TRAPPC8: variants seen among roughly 807,000 people sequenced by gnomAD.
TRAPPC8 encodes the protein general sporulation gene 1 homolog.
A neutral mutation model predicts 174.3 loss-of-function variants in TRAPPC8; 54 were observed. That is an observed-to-expected ratio of 0.31 (90% CI 0.25 to 0.39). The LOEUF is 0.39. TRAPPC8 is among the 10% of genes least tolerant of loss of function. The pLI is 1.00. For synonymous variants in TRAPPC8, 630 were observed against 579.9 expected, an observed-to-expected ratio of 1.09 and a Z score of -1.24; for missense variants, 1,531 against 1,699.1, an observed-to-expected ratio of 0.90 and a Z score of 1.74.
rs752533737 is a variant in TRAPPC8 at position 31,917,679 on chromosome 18, A to C, written c.353-12T>G. The C allele has an allele frequency of 6.2e-7, 1 of 1,605,054 alleles. No individual in the cohort carries two copies. Among genetic ancestry groups the C allele is most frequent in the East Asian group, 2.2e-5 (1 of 44,794 alleles). On this transcript the variant is annotated splice_polypyrimidine_tract_variant and intron_variant, in intron 2 of 28. Transcript: ENST00000283351. ...CCATGGAGTAGTGGCTAAAATTAAC[A>C]ATATACAAAACAGTTAAAAGTATTC...
intron 1 of TRAPPC8, among the ~76,000 whole-genome samples, chr18:31,934,143 G>A (rs1481307588): frequency 1.3e-5 from 2 of 151,620 alleles, no homozygotes; most frequent in Non-Finnish European, 2.9e-5. Flanking sequence ...AGCCAAGATT[G>A]CGCCACTGCA....
intron 26 of TRAPPC8, among the ~76,000 whole-genome samples, chr18:31,843,561 T>C (rs568013363): frequency 2.4e-4 from 36 of 152,350 alleles, no homozygotes; most frequent in African/African-American, 8.7e-4. Context: ...TATCTATTTG[T>C]GTGCAAACTA....
chr18:31,862,342 A>T (rs932683118), intron 19 of TRAPPC8, among the ~76,000 whole-genome samples: 40 of 126,734 alleles, frequency 3.2e-4, no homozygotes, highest in African/African-American at 1.2e-3. Flanking sequence ...TTGCCAGATT[A>T]AAAAAAAAAA....
chr18:31,867,597 T>TCGGCG, intron 16 of TRAPPC8, 121 bp from the exon 17 acceptor site: 1 of 641,088 alleles, frequency 1.6e-6, no homozygotes, highest in Non-Finnish European at 2.6e-6. Flanking sequence ...ACTTGGTTTT[T>TCGGCG]ACCACATGCT....
At chr18:31,834,512 C>T (rs2032592037) in intron 27 of TRAPPC8, among the ~76,000 whole-genome samples, 1 of 152,152 alleles carries the variant, frequency 6.6e-6, no homozygotes, top group Non-Finnish European at 1.5e-5. Flanking sequence ...GACAACTATT[C>T]TCCCACCACT....
At chr18:31,932,242 A>G (rs555935269) in intron 1 of TRAPPC8, among the ~76,000 whole-genome samples, 1 of 152,270 alleles carries the variant, frequency 6.6e-6, no homozygotes, top group East Asian at 1.9e-4. Context: ...CCTGGCCAAC[A>G]TGGCAAAACC....
At chr18:31,852,919 ACAGT>A in intron 22 of TRAPPC8, 1 of 395,780 alleles carries the variant, frequency 2.5e-6, no homozygotes, top group Non-Finnish European at 4.6e-6. Flanking sequence ...TTTCAGATAA[ACAGT>A]AAGTTTGAAA....
intron 1 of TRAPPC8, among the ~76,000 whole-genome samples, chr18:31,941,982 A>G (rs1163010887): frequency 6.6e-6 from 1 of 152,226 alleles, no homozygotes; most frequent in Non-Finnish European, 1.5e-5. Flanking sequence ...ATTAACCACA[A>G]CTTGGGCTTG....
intron 12 of TRAPPC8, among the ~76,000 whole-genome samples, chr18:31,890,321 T>C (rs964583170): frequency 2.6e-5 from 4 of 152,150 alleles, no homozygotes; most frequent in African/African-American, 2.4e-5. Flanking sequence ...ATTTAGTCAA[T>C]AGCATTATAA....
chr18:31,854,836 G>C (rs1305723215), intron 21 of TRAPPC8, among the ~76,000 whole-genome samples: 2 of 151,544 alleles, frequency 1.3e-5, no homozygotes, highest in African/African-American at 4.9e-5. Context: ...GGGCGTGGTG[G>C]GTGCCTGTGG....
At position 31,849,633 on chromosome 18, in the gene TRAPPC8, G is replaced by A; in HGVS notation, c.3668C>T (p.Thr1223Ile). The A allele has an allele frequency of 6.2e-7, 1 of 1,613,084 alleles. No homozygotes were observed. The highest frequency in any genetic ancestry group is 8.5e-7 in the Non-Finnish European group (1 of 1,179,638). Residue 1223 changes from threonine to isoleucine, a missense_variant, in exon 25 of 29, where the codon ACA (threonine) becomes ATA (isoleucine). Thr to Ile is a moderately conservative substitution (Grantham distance 89, BLOSUM62 -1). Coordinates refer to ENST00000283351, the MANE Select transcript of TRAPPC8 (RefSeq NM_014939.5). ...HLPVHTEKQS[T>I]EDAVRLIQKC... ...TTGAATCAATCTCACAGCATCCTCT[G>A]TTGACTGTTTTTCTGTATGCACAGG...
rs745488703 is a variant in TRAPPC8 at position 31,935,548 on chromosome 18, T to TGAAAAAAAAAA, written c.158-4026_158-4025insTTTTTTTTTTC. The stretch of plus-strand genomic sequence containing the variant: ...GGGCAACAAGAGCGAAACTCCATCT[T>TGAAAAAAAAAA]AAAAAAAAAAAAAAAAAAAAGCAGG... On this transcript the variant is annotated intron_variant, in intron 1 of 28. Coordinates refer to ENST00000283351, the MANE Select transcript of TRAPPC8 (RefSeq NM_014939.5). Among the ~76,000 whole-genome samples, 442 of 46,244 alleles carry TGAAAAAAAAAA rather than the reference T, an allele frequency of 9.6e-3. 100 individuals are homozygous for TGAAAAAAAAAA. The highest frequency in any genetic ancestry group is 0.013 in the Non-Finnish European group (363 of 28,272). The allele number at this position is 46,244 out of a possible 152,430, so 30.3% of individuals were successfully genotyped here.
At chr18:31,933,038 A>G (rs2037919802) in intron 1 of TRAPPC8, among the ~76,000 whole-genome samples, 1 of 144,730 alleles carries the variant, frequency 6.9e-6, no homozygotes. Flanking sequence ...GCAGTGGCTC[A>G]CACCTGTAAT....
chr18:31,924,505 A>G (rs1367222500), intron 2 of TRAPPC8, among the ~76,000 whole-genome samples: 4 of 150,542 alleles, frequency 2.7e-5, no homozygotes, highest in South Asian at 2.1e-4. Context: ...TCACACCTGT[A>G]ATCCCAGCAC....
intron 25 of TRAPPC8, among the ~76,000 whole-genome samples, 165 bp from the exon 26 acceptor site, chr18:31,846,982 A>G (rs1042767278): frequency 6.6e-6 from 1 of 152,242 alleles, no homozygotes; most frequent in African/African-American, 2.4e-5. Context: ...TTCAATCAAT[A>G]AAGTATCTAT....
intron 12 of TRAPPC8, among the ~76,000 whole-genome samples, chr18:31,886,345 G>GA (rs397858057): frequency 0.011 from 262 of 23,684 alleles, 1 homozygote; most frequent in South Asian, 0.02. Context: ...GTTTCTTGAG[G>GA]AAAAAAAAAA....
At chr18:31,858,721 G>A (rs1406636535) in intron 19 of TRAPPC8, among the ~76,000 whole-genome samples, 1 of 152,198 alleles carries the variant, frequency 6.6e-6, no homozygotes, top group Non-Finnish European at 1.5e-5. Context: ...ATGAGGGATT[G>A]TGGACTTGTG....
chr18:31,910,994 C>T (rs1431645662), intron 5 of TRAPPC8, among the ~76,000 whole-genome samples: 4 of 152,230 alleles, frequency 2.6e-5, no homozygotes, highest in Middle Eastern at 3.4e-3. Flanking sequence ...TCTTAAAGAA[C>T]GTCAGTAATC....
At chr18:31,833,924 C>G (rs2032534926) in intron 27 of TRAPPC8, among the ~76,000 whole-genome samples, 1 of 149,210 alleles carries the variant, frequency 6.7e-6, no homozygotes. Context: ...ATGGCATGAA[C>G]CCAGGAGGTG....
Sources: allele counts gnomAD v4.1 joint callset (sites outside exome capture counted in the v4.1 genomes callset), GRCh38; gene constraint gnomAD v4.1.1; transcripts MANE v1.5; gene names NCBI Gene and HGNC (gene_info 2026-07-23, HGNC 2026-07-21).